The following RORA variants were observed in gnomAD, a reference collection of about 807,000 sequenced individuals.
RORA encodes the protein RAR related orphan receptor A, also known as nuclear receptor ROR-alpha.
RORA carries 7 observed loss-of-function variants against 69.5 expected under a neutral mutation model. That is an observed-to-expected ratio of 0.10 (90% CI 0.06 to 0.19). RORA has a LOEUF of 0.19. RORA is among the 10% of genes least tolerant of loss of function. The pLI is 1.00. For synonymous variants in RORA, 261 were observed against 240.8 expected (o/e 1.08, Z -0.78); for missense variants, 457 against 663.0 (o/e 0.69, Z 3.41).
intron 1 of RORA, among the ~76,000 whole-genome samples, chr15:60,819,289 T>C (rs1397592195): frequency 6.6e-6 from 1 of 152,182 alleles, no homozygotes; most frequent in Admixed American, 6.5e-5. Flanking sequence ...CATGAAACCA[T>C]GATGTACAAG....
At chr15:61,119,923 G>C (rs2079086975) in intron 1 of RORA, among the ~76,000 whole-genome samples, 2 of 152,324 alleles carry the variant, frequency 1.3e-5, no homozygotes, top group South Asian at 2.1e-4. Context: ...GGCAACAAAA[G>C]AGAAGTGTGC....
intron 1 of RORA, among the ~76,000 whole-genome samples, chr15:60,827,099 A>G (rs1172372882): frequency 6.6e-6 from 1 of 152,152 alleles, no homozygotes; most frequent in African/African-American, 2.4e-5. Flanking sequence ...AAAGTGTATG[A>G]CTTCAGAGTG....
chr15:60,834,226 C>A (rs752324545), intron 1 of RORA, among the ~76,000 whole-genome samples: 1 of 152,218 alleles, frequency 6.6e-6, no homozygotes, highest in Non-Finnish European at 1.5e-5. Context: ...AAACTGAGGT[C>A]TCAAACCCCA....
intron 1 of RORA, among the ~76,000 whole-genome samples, chr15:61,085,306 G>T (rs2078606006): frequency 6.6e-6 from 1 of 152,136 alleles, no homozygotes; most frequent in South Asian, 2.1e-4. Flanking sequence ...GTCTGGACTG[G>T]GAATCAGAAG....
chr15:61,169,617 G>A (rs1279322447), intron 1 of RORA, among the ~76,000 whole-genome samples: 1 of 147,682 alleles, frequency 6.8e-6, no homozygotes, highest in African/African-American at 2.5e-5. Context: ...GTTGTCTGTG[G>A]CTTGGTTTCG....
chr15:61,025,716 C>T (rs746253076), intron 1 of RORA, among the ~76,000 whole-genome samples: 2 of 151,962 alleles, frequency 1.3e-5, no homozygotes, highest in Non-Finnish European at 2.9e-5. Flanking sequence ...AGCTTATTAA[C>T]GTAAAGAATT....
At chr15:60,812,850 T>C (rs1008578300) in intron 1 of RORA, among the ~76,000 whole-genome samples, 12 of 152,138 alleles carry the variant, frequency 7.9e-5, no homozygotes, top group Admixed American at 6.5e-5. Context: ...AATCTGGACA[T>C]TGGATAGGTG....
chr15:60,898,269 T>C (rs1156628909), intron 1 of RORA, among the ~76,000 whole-genome samples: 3 of 152,130 alleles, frequency 2.0e-5, no homozygotes, highest in Non-Finnish European at 4.4e-5. Flanking sequence ...GTCAGGATGG[T>C]CTTTAGGCTT....
intron 1 of RORA, among the ~76,000 whole-genome samples, chr15:61,004,282 A>AGAG (rs1555401021): frequency 2.6e-5 from 4 of 151,778 alleles, no homozygotes; most frequent in Admixed American, 6.6e-5. Flanking sequence ...GGGAGAGAGA[A>AGAG]AGAGAGAGAG....
chr15:61,180,858 G>A (rs2079678331), intron 1 of RORA, among the ~76,000 whole-genome samples: 1 of 152,114 alleles, frequency 6.6e-6, no homozygotes, highest in Admixed American at 6.5e-5. Flanking sequence ...CAGAACTTTG[G>A]GAGGCCAAAG....
chr15:61,037,186 A>G (rs998216326), intron 1 of RORA, among the ~76,000 whole-genome samples: 2 of 152,210 alleles, frequency 1.3e-5, no homozygotes, highest in Non-Finnish European at 1.5e-5. Context: ...GTAAGAATTG[A>G]AAAATATGTA....
intron 1 of RORA, among the ~76,000 whole-genome samples, chr15:60,775,125 A>C (rs1388382891): frequency 6.6e-6 from 1 of 152,106 alleles, no homozygotes; most frequent in East Asian, 1.9e-4. Context: ...TTCTCTCTTA[A>C]GTTCCGTAAA....
intron 1 of RORA, among the ~76,000 whole-genome samples, chr15:61,188,234 T>C (rs1181647388): frequency 6.6e-6 from 1 of 152,116 alleles, no homozygotes; most frequent in Non-Finnish European, 1.5e-5. Context: ...AAGTGAATCG[T>C]CTTTGCGGGC....
chr15:60,515,896 ATATTTATATATATTG>A (rs2065852106), intron 3 of RORA, among the ~76,000 whole-genome samples: 1 of 111,686 alleles, frequency 9.0e-6, no homozygotes, highest in Non-Finnish European at 1.6e-5. Context: ...ATACATATAT[ATATTTATATATATTG>A]TATTTATATA....
chr15:60,996,075 T>TTG (rs1555400400), intron 1 of RORA, among the ~76,000 whole-genome samples: 12 of 100,054 alleles, frequency 1.2e-4, no homozygotes, highest in African/African-American at 3.0e-4. Flanking sequence ...TTTTTTGTTT[T>TTG]TTTTTTTTTT....
At chr15:60,739,854 C>A (rs973777963) in intron 1 of RORA, among the ~76,000 whole-genome samples, 1 of 152,118 alleles carries the variant, frequency 6.6e-6, no homozygotes, top group African/African-American at 2.4e-5. Flanking sequence ...TCATGGAGGC[C>A]TTGTACTTCT....
At position 60,728,244 on chromosome 15, in the gene RORA, C is replaced by T. The variant is rs113212008; in HGVS notation, c.167-49558G>A. On this transcript the variant is annotated intron_variant, in intron 1 of 10. Transcript: ENST00000335670. ...TAGAATCAGGTCTCATTATGTCACC[C>T]AGGCTAAAATACTTTTTTGCTTTGT... is the stretch of plus-strand genomic sequence containing the variant. 2.6e-3 allele frequency among the ~76,000 whole-genome samples: 400 copies of T among 152,234 alleles called. 3 individuals are homozygous for T. Among genetic ancestry groups the T allele is most frequent in the African/African-American group, 9.3e-3 (387 of 41,546 alleles).
intron 2 of RORA, among the ~76,000 whole-genome samples, chr15:60,566,756 C>T (rs951124980): frequency 2.0e-5 from 3 of 152,044 alleles, no homozygotes; most frequent in African/African-American, 4.8e-5. Flanking sequence ...GTGAAAGTTG[C>T]GATGGGAGTG....
Position 60,587,547 on chromosome 15 carries a change from A to G in RORA, c.197-55696T>C, listed in dbSNP as rs149456956. Among the ~76,000 whole-genome samples the G allele has an allele frequency of 9.8e-4, 149 of 152,330 alleles. 2 individuals are homozygous for G. The highest frequency in any genetic ancestry group is 3.3e-3 in the African/African-American group (136 of 41,592). On this transcript the variant is annotated intron_variant, in intron 2 of 10. Coordinates refer to ENST00000335670, the MANE Select transcript of RORA (RefSeq NM_134261.3). ...CTCTGTGAGCCTCAGTTTCTTCATC[A>G]GTCACTGATGGGACTATCAGTGACT...
Sources: allele counts gnomAD v4.1 joint callset (sites outside exome capture counted in the v4.1 genomes callset), GRCh38; gene constraint gnomAD v4.1.1; transcripts MANE v1.5; gene names NCBI Gene and HGNC (gene_info 2026-07-23, HGNC 2026-07-21).